Variants in ATRNL1 observed in about 807,000 individuals in gnomAD.
ATRNL1 encodes the protein attractin like 1, also known as attractin-like protein 1.
Under a neutral mutation model 182.7 loss-of-function variants are expected in ATRNL1, and 95 were observed. The ratio of observed to expected loss-of-function variants is 0.52; its 90% CI spans 0.44 to 0.62. ATRNL1 has a LOEUF of 0.62. Ranked by LOEUF, ATRNL1 falls within the 20% of genes least tolerant of loss-of-function variation. The pLI, the probability that ATRNL1 is intolerant of heterozygous loss-of-function variation, is 0.00. For missense variants in ATRNL1, 1,471 were observed against 1,679.5 expected, an observed-to-expected ratio of 0.88 and a Z score of 2.17; for synonymous variants, 576 against 568.3, an observed-to-expected ratio of 1.01 and a Z score of -0.19.
At chr10:115,694,768 G>A (rs1946500119) in intron 26 of ATRNL1, among the ~76,000 whole-genome samples, 1 of 152,008 alleles carries the variant, frequency 6.6e-6, no homozygotes, top group Non-Finnish European at 1.5e-5. Context: ...GTGGGAATAA[G>A]GCATTTTCTA....
At chr10:115,259,090 G>A (rs1397910831) in intron 10 of ATRNL1, among the ~76,000 whole-genome samples, 2 of 152,204 alleles carry the variant, frequency 1.3e-5, no homozygotes, top group African/African-American at 4.8e-5. Context: ...ACCCACTTGA[G>A]GAGGCAGTCT....
intron 26 of ATRNL1, among the ~76,000 whole-genome samples, chr10:115,574,106 C>T (rs915206402): frequency 6.6e-5 from 10 of 151,844 alleles, no homozygotes; most frequent in East Asian, 3.9e-4. Context: ...GTCTTACTTA[C>T]GATAAAAAGC....
intron 1 of ATRNL1, among the ~76,000 whole-genome samples, chr10:115,106,390 C>A (rs1463810708): frequency 6.6e-6 from 1 of 151,946 alleles, no homozygotes; most frequent in Non-Finnish European, 1.5e-5. Flanking sequence ...TCAGATGAGA[C>A]CTTGGGGGTG....
chr10:115,174,158 C>T (rs1473455766), intron 8 of ATRNL1, among the ~76,000 whole-genome samples: 1 of 151,656 alleles, frequency 6.6e-6, no homozygotes, highest in Non-Finnish European at 1.5e-5. Context: ...TTTGGTTTCA[C>T]TTGATTTTTG....
At chr10:115,313,184 T>C (rs868952306) in intron 17 of ATRNL1, among the ~76,000 whole-genome samples, 1 of 152,178 alleles carries the variant, frequency 6.6e-6, no homozygotes, top group Middle Eastern at 3.4e-3. Context: ...TGTGATCTTT[T>C]TGGCAGTATT....
intron 28 of ATRNL1, among the ~76,000 whole-genome samples, chr10:115,930,737 C>T (rs1293751445): frequency 6.6e-6 from 1 of 152,130 alleles, no homozygotes; most frequent in African/African-American, 2.4e-5. Flanking sequence ...TGGTAAACAT[C>T]TGGGCATGAG....
In ATRNL1 at chr10:115,395,859, T is replaced by C. The variant is rs370279835; in HGVS notation, c.3269+1107T>C. 7.6e-4 allele frequency among the ~76,000 whole-genome samples: 115 copies of C among 151,916 alleles called. 2 individuals carry two copies. The South Asian group carries it at 0.023, about 31-fold the overall frequency. On this transcript the variant is annotated intron_variant, in intron 20 of 28. Transcript: ENST00000355044. ...ATCTATATTATTAAAATCAAATTTT[T>C]ATGGTTTTGAATTATATATGTACAA...
At chr10:115,635,903 G>T (rs1397638089) in intron 26 of ATRNL1, among the ~76,000 whole-genome samples, 1 of 151,996 alleles carries the variant, frequency 6.6e-6, no homozygotes, top group Non-Finnish European at 1.5e-5. Flanking sequence ...AGAAACATAA[G>T]AATAAATACT....
intron 26 of ATRNL1, among the ~76,000 whole-genome samples, chr10:115,574,282 ATAAC>A (rs1565178353): frequency 1.3e-5 from 2 of 151,028 alleles, no homozygotes; most frequent in South Asian, 2.1e-4. Context: ...GTATATATCT[ATAAC>A]TATGCAGATA....
At chr10:115,191,177 A>G (rs1438847820) in intron 8 of ATRNL1, among the ~76,000 whole-genome samples, 2 of 152,162 alleles carry the variant, frequency 1.3e-5, no homozygotes, top group Non-Finnish European at 2.9e-5. Flanking sequence ...TGCAATAAAC[A>G]TGGGAACGCA....
At chr10:115,693,160 A>T (rs559208715) in intron 26 of ATRNL1, among the ~76,000 whole-genome samples, 1 of 152,240 alleles carries the variant, frequency 6.6e-6, no homozygotes, top group African/African-American at 2.4e-5. Context: ...CAGCCCTTTT[A>T]TGATTATATA....
intron 21 of ATRNL1, among the ~76,000 whole-genome samples, chr10:115,449,369 T>G (rs1847171690): frequency 6.6e-6 from 1 of 152,116 alleles, no homozygotes; most frequent in South Asian, 2.1e-4. Context: ...CCTTCTCACC[T>G]CATATTCTTT....
At chr10:115,878,208 TTACTGGCCAGCCTCACCA>T (rs1951742375) in intron 28 of ATRNL1, among the ~76,000 whole-genome samples, 1 of 152,246 alleles carries the variant, frequency 6.6e-6, no homozygotes, top group Non-Finnish European at 1.5e-5. Flanking sequence ...GTTTCAGATC[TTACTGGCCAGCCTCACCA>T]TACTGGCCAC....
In ATRNL1 at chr10:115,127,554, A is replaced by G. The variant is rs782630231; in HGVS notation, c.492-39A>G. The G allele has an allele frequency of 3.9e-6, 6 of 1,544,194 alleles. No homozygotes were observed. In the South Asian group the frequency reaches 5.8e-5, roughly 15 times the overall value. On this transcript the variant is annotated intron_variant, in intron 3 of 28. Transcript: ENST00000355044. ...TTTTATGTGCTTAACAGTCTTATGT[A>G]TATCTATACATACAATATTCAGTTT... is the stretch of plus-strand genomic sequence containing the variant.
At chr10:115,695,873 G>A (rs1946541175) in intron 26 of ATRNL1, among the ~76,000 whole-genome samples, 1 of 151,674 alleles carries the variant, frequency 6.6e-6, no homozygotes, top group African/African-American at 2.4e-5. Context: ...TGGCTGCATG[G>A]TATTCCATGG....
In ATRNL1 at chr10:115,655,919, C is replaced by A. The variant is rs1860302133; in HGVS notation, c.3796-71329C>A. Among the ~76,000 whole-genome samples, 4 of 152,122 alleles carry A rather than the reference C, an allele frequency of 2.6e-5. No individual in the cohort carries two copies. In the South Asian group the frequency reaches 8.3e-4, roughly 31 times the overall value. On this transcript the variant is annotated intron_variant, in intron 26 of 28. Coordinates refer to ENST00000355044, the MANE Select transcript of ATRNL1 (RefSeq NM_207303.4). ...TTTCCTCCCCAAACTCCTACTTGCA[C>A]CGTGCACTAAATAGGAAAATAAGCC...
Position 115,160,308 on chromosome 10 carries a change from G to T in ATRNL1, c.1004+94G>T, listed in dbSNP as rs553473806. Reference sequence around the variant, plus strand: ...TAATTGTTGTCCGAGAGTAAAAGTGGTTATTTTTGTGGTAGTGTCTATTTG... The same window carrying T: ...TAATTGTTGTCCGAGAGTAAAAGTGTTTATTTTTGTGGTAGTGTCTATTTG... On this transcript the variant is annotated intron_variant, in intron 6 of 28. Coordinates refer to ENST00000355044, the MANE Select transcript of ATRNL1 (RefSeq NM_207303.4). 9.7e-6 allele frequency: 12 copies of T among 1,233,124 alleles called. No homozygotes were observed. The African/African-American group carries it at 1.5e-4, about 16-fold the overall frequency. 76.4% of individuals were successfully genotyped at this position (1,233,124 alleles called of 1,614,324 possible).
intron 25 of ATRNL1, among the ~76,000 whole-genome samples, chr10:115,536,483 G>T (rs1053790549): frequency 6.6e-6 from 1 of 152,194 alleles, no homozygotes; most frequent in African/African-American, 2.4e-5. Flanking sequence ...TATTGGGGTG[G>T]GCTTGACCTG....
At chr10:115,393,084 G>A (rs1844110033) in intron 19 of ATRNL1, among the ~76,000 whole-genome samples, 1 of 152,028 alleles carries the variant, frequency 6.6e-6, no homozygotes, top group Admixed American at 6.6e-5. Flanking sequence ...TGTGTAAGAG[G>A]ACAGACAACC....
Sources: allele counts gnomAD v4.1 joint callset (sites outside exome capture counted in the v4.1 genomes callset), GRCh38; gene constraint gnomAD v4.1.1; transcripts MANE v1.5; gene names NCBI Gene and HGNC (gene_info 2026-07-23, HGNC 2026-07-21).